SRPK1: variants seen among roughly 807,000 people sequenced by gnomAD.
The protein encoded by SRPK1 is SRSF protein kinase 1, also known as SFRS protein kinase 1.
Under a neutral mutation model 89.5 loss-of-function variants are expected in SRPK1, and 52 were observed. The observed-to-expected ratio is 0.58, with a 90% CI of 0.46 to 0.73. SRPK1 has a LOEUF of 0.73. SRPK1 is among the 30% of genes least tolerant of loss of function. The pLI is 0.00. For missense variants in SRPK1, 603 were observed against 780.6 expected, an observed-to-expected ratio of 0.77 and a Z score of 2.71; for synonymous variants, 255 against 270.2, an observed-to-expected ratio of 0.94 and a Z score of 0.55.
intron 2 of SRPK1, among the ~76,000 whole-genome samples, chr6:35,914,887 C>A (rs906228254): frequency 6.6e-6 from 1 of 152,086 alleles, no homozygotes; most frequent in Admixed American, 6.5e-5. Flanking sequence ...CAATCTCCAC[C>A]TCCCGGGTTC....
At chr6:35,885,538 A>G (rs1483285529) in intron 6 of SRPK1, among the ~76,000 whole-genome samples, 1 of 152,120 alleles carries the variant, frequency 6.6e-6, no homozygotes, top group Non-Finnish European at 1.5e-5. Flanking sequence ...ATCTCTTCCC[A>G]TAGTCTACAT....
chr6:35,914,445 A>C, intron 2 of SRPK1, among the ~76,000 whole-genome samples: 1 of 152,206 alleles, frequency 6.6e-6, no homozygotes, highest in Non-Finnish European at 1.5e-5. Context: ...CAGGAGATAC[A>C]AGAACACTCC....
At chr6:35,912,514 ACAGT>A (rs1770992229) in intron 2 of SRPK1, among the ~76,000 whole-genome samples, 1 of 152,264 alleles carries the variant, frequency 6.6e-6, no homozygotes, top group Admixed American at 6.5e-5. Flanking sequence ...TTAACAGACT[ACAGT>A]ACAGTGCAAA....
intron 6 of SRPK1, 59 bp from the exon 7 acceptor site, chr6:35,874,398 T>G: frequency 8.9e-7 from 1 of 1,124,964 alleles, no homozygotes. Context: ...CAAGACAAGC[T>G]GTGAATTCCA....
chr6:35,843,522 C>A (rs1032139231), intron 13 of SRPK1, among the ~76,000 whole-genome samples: 1 of 151,908 alleles, frequency 6.6e-6, no homozygotes, highest in East Asian at 2.0e-4. Context: ...ATGATCTCAG[C>A]TCACTGCAAC....
chr6:35,860,502 G>A (rs1223150558), intron 12 of SRPK1, among the ~76,000 whole-genome samples: 1 of 152,212 alleles, frequency 6.6e-6, no homozygotes, highest in Non-Finnish European at 1.5e-5. Flanking sequence ...GAAACATGGT[G>A]TGGGCAGGAA....
chr6:35,869,223 C>T, intron 11 of SRPK1, 113 bp from the exon 12 acceptor site: 2 of 970,328 alleles, frequency 2.1e-6, no homozygotes, highest in East Asian at 2.6e-5. Context: ...CAAGTGACAA[C>T]TTACATTTTC....
chr6:35,916,013 C>T (rs1179490978), intron 2 of SRPK1, among the ~76,000 whole-genome samples: 82 of 84,262 alleles, frequency 9.7e-4, no homozygotes, highest in Non-Finnish European at 1.4e-3. Flanking sequence ...CACACACACA[C>T]ACACACACAC....
intron 12 of SRPK1, among the ~76,000 whole-genome samples, chr6:35,860,767 A>C (rs771473218): frequency 4.6e-5 from 7 of 152,172 alleles, no homozygotes; most frequent in Non-Finnish European, 7.4e-5. Flanking sequence ...AAAAAGTTAC[A>C]GGGAGAAAGG....
intron 6 of SRPK1, among the ~76,000 whole-genome samples, chr6:35,881,449 A>AT (rs1364378745): frequency 6.7e-5 from 6 of 88,940 alleles, no homozygotes; most frequent in Non-Finnish European, 8.6e-5. Flanking sequence ...ATATAGATAT[A>AT]GATATAGATA....
At chr6:35,907,067 A>G (rs1455002932) in intron 2 of SRPK1, among the ~76,000 whole-genome samples, 1 of 152,198 alleles carries the variant, frequency 6.6e-6, no homozygotes, top group Non-Finnish European at 1.5e-5. Context: ...GCAAGGATCA[A>G]TAGCCACTAA....
At chr6:35,880,747 A>AGAAAG (rs1770265583) in intron 6 of SRPK1, among the ~76,000 whole-genome samples, 1 of 75,386 alleles carries the variant, frequency 1.3e-5, no homozygotes, top group African/African-American at 4.7e-5. Context: ...AAAAAAAAAA[A>AGAAAG]AAAGAAAAGA....
intron 2 of SRPK1, among the ~76,000 whole-genome samples, chr6:35,916,288 A>G (rs972811422): frequency 2.0e-5 from 3 of 151,870 alleles, no homozygotes; most frequent in African/African-American, 4.8e-5. Context: ...AACTTAATGG[A>G]ATGCTAGATG....
chr6:35,908,727 G>A (rs1439086807), intron 2 of SRPK1, among the ~76,000 whole-genome samples: 2 of 152,206 alleles, frequency 1.3e-5, no homozygotes, highest in Non-Finnish European at 2.9e-5. Flanking sequence ...TAATCACCAA[G>A]ACAATAGAGA....
chr6:35,868,353 CAT>C (rs1307225169), intron 12 of SRPK1, among the ~76,000 whole-genome samples: 1 of 152,122 alleles, frequency 6.6e-6, no homozygotes, highest in African/African-American at 2.4e-5. Context: ...TTTCTAATTA[CAT>C]GTCATTACGA....
chr6:35,867,354 A>G (rs1408829838), intron 12 of SRPK1, among the ~76,000 whole-genome samples: 1 of 152,194 alleles, frequency 6.6e-6, no homozygotes, highest in Non-Finnish European at 1.5e-5. Flanking sequence ...AGTCAGTGCT[A>G]AGCTGGCTTT....
intron 13 of SRPK1, among the ~76,000 whole-genome samples, chr6:35,847,825 T>C: frequency 6.6e-6 from 1 of 152,150 alleles, no homozygotes; most frequent in Non-Finnish European, 1.5e-5. Flanking sequence ...GAAGATTTAT[T>C]TTTATTTTAT....
chr6:35,855,156 G>A (rs1316289879), intron 13 of SRPK1, among the ~76,000 whole-genome samples: 1 of 152,064 alleles, frequency 6.6e-6, no homozygotes, highest in Non-Finnish European at 1.5e-5. Context: ...AAAAAAATTA[G>A]CCAGGCATGG....
At chr6:35,868,929 G>A (rs1769967423) in intron 12 of SRPK1, 81 bp downstream of exon 12, 9 of 1,061,544 alleles carry the variant, frequency 8.5e-6, no homozygotes, top group Admixed American at 7.1e-5. Flanking sequence ...ACAGAATTAT[G>A]GATGTTTTGC....
Sources: gnomAD v4.1 joint callset for allele counts (sites outside exome capture counted in the v4.1 genomes callset) on GRCh38, gnomAD v4.1.1 for gene constraint, MANE v1.5 for transcripts, NCBI Gene and HGNC (gene_info 2026-07-23, HGNC 2026-07-21) for gene names.